Variants in ANKS3 observed in about 807,000 individuals in gnomAD.
The protein encoded by ANKS3 is ankyrin repeat and sterile alpha motif domain containing 3.
A neutral mutation model predicts 80.7 loss-of-function variants in ANKS3; 62 were observed. That is an observed-to-expected ratio of 0.77 (90% CI 0.63 to 0.95). The LOEUF is 0.95. Among genes scored for constraint, ANKS3 ranks in the 40% least tolerant of loss-of-function variants. The pLI is 0.00. For synonymous variants in ANKS3, 489 were observed against 355.3 expected, an observed-to-expected ratio of 1.38 and a Z score of -4.23; for missense variants, 1,150 against 883.6, an observed-to-expected ratio of 1.30 and a Z score of -3.82.
chr16:4,724,588 G>A (rs995935067), intron 6 of ANKS3, among the ~76,000 whole-genome samples, 162 bp downstream of exon 6: 1 of 152,138 alleles, frequency 6.6e-6, no homozygotes, highest in East Asian at 1.9e-4. Flanking sequence ...TAATGCCTAA[G>A]CACCACTCAA....
At chr16:4,725,534 C>T (rs528657006) in intron 5 of ANKS3, among the ~76,000 whole-genome samples, 1 of 152,268 alleles carries the variant, frequency 6.6e-6, no homozygotes, top group South Asian at 2.1e-4. Flanking sequence ...TATCAGGTGT[C>T]TTAGAATGAA....
In ANKS3 at chr16:4,698,624, G is replaced by C. The variant is rs752343763; in HGVS notation, c.1552-25C>G. 6.5e-6 allele frequency: 10 copies of C among 1,538,000 alleles called. No homozygotes were observed. In the Admixed American group the frequency reaches 7.6e-5, roughly 12 times the overall value. ...GCTGCAGGGGGGTGGGGGGCGCGGGGAGGCTGGGAGGTGGCCGGTCAAGCC... is the reference window on the plus strand; with the variant it reads ...GCTGCAGGGGGGTGGGGGGCGCGGGCAGGCTGGGAGGTGGCCGGTCAAGCC... On this transcript the variant is annotated intron_variant, in intron 13 of 17. Transcript: ENST00000304283.
intron 7 of ANKS3, among the ~76,000 whole-genome samples, chr16:4,710,804 A>G (rs2080445144): frequency 2.6e-5 from 4 of 152,116 alleles, no homozygotes; most frequent in African/African-American, 4.8e-5. Context: ...TATTTTATCT[A>G]TTTACTTTTC....
At chr16:4,717,227 C>T (rs934781186) in intron 6 of ANKS3, among the ~76,000 whole-genome samples, 3 of 150,988 alleles carry the variant, frequency 2.0e-5, no homozygotes, top group Admixed American at 2.0e-4. Flanking sequence ...GGGCAACAGA[C>T]GAAGCAAGAC....
chr16:4,728,323 C>A (rs563417503), intron 3 of ANKS3, among the ~76,000 whole-genome samples: 3 of 152,142 alleles, frequency 2.0e-5, no homozygotes, highest in Non-Finnish European at 4.4e-5. Flanking sequence ...GGATTACAGG[C>A]GTGAGCCACC....
chr16:4,697,395 G>A lies in ANKS3; in HGVS notation c.1832C>T (p.Ser611Phe), dbSNP rs2079622826. 1.9e-6 allele frequency: 3 copies of A among 1,608,890 alleles called. No homozygotes were observed. Among genetic ancestry groups the A allele is most frequent in the African/African-American group, 2.7e-5 (2 of 74,940 alleles). ...PPADSKGWQA[S>F]LQAMSLPELS... ...CTCGGGGAGGCTCATGGCCTGCAGGGACGCTTGCCAGCCCTTGGAGTCTGT... is the reference window on the plus strand; with the variant it reads ...CTCGGGGAGGCTCATGGCCTGCAGGAACGCTTGCCAGCCCTTGGAGTCTGT... The change falls in exon 16 of 18, where the codon TCC (serine) becomes TTC (phenylalanine). Residue 611 changes from serine (S) to phenylalanine (F), a missense_variant. By Grantham distance (155) the Ser-to-Phe change is radical. Coordinates refer to ENST00000304283, the MANE Select transcript of ANKS3 (RefSeq NM_133450.4).
intron 6 of ANKS3, among the ~76,000 whole-genome samples, chr16:4,724,166 G>A (rs2081242034): frequency 6.6e-6 from 1 of 152,186 alleles, no homozygotes; most frequent in African/African-American, 2.4e-5. Flanking sequence ...GTTTATAATT[G>A]CAAAATGTTA....
chr16:4,733,575 A>T (rs2081779510), intron 1 of ANKS3, among the ~76,000 whole-genome samples: 1 of 152,124 alleles, frequency 6.6e-6, no homozygotes, highest in African/African-American at 2.4e-5. Context: ...TACAGGCGTG[A>T]GTGAGCCACC....
intron 2 of ANKS3, among the ~76,000 whole-genome samples, chr16:4,731,109 G>C (rs529786160): frequency 6.6e-6 from 1 of 152,146 alleles, no homozygotes; most frequent in African/African-American, 2.4e-5. Context: ...CCTGCCTACA[G>C]TATAATTTCA....
At chr16:4,706,109 G>C (rs2080173951) in intron 7 of ANKS3, among the ~76,000 whole-genome samples, 1 of 152,022 alleles carries the variant, frequency 6.6e-6, no homozygotes, top group African/African-American at 2.4e-5. Flanking sequence ...TATTAGGCTG[G>C]TCTTGAACTC....
chr16:4,700,669 C>T, intron 11 of ANKS3: 2 of 488,128 alleles, frequency 4.1e-6, no homozygotes, highest in Non-Finnish European at 7.6e-6. Flanking sequence ...TTGTCAGACT[C>T]CTGCAGGCAG....
chr16:4,709,906 G>C (rs888823508), intron 7 of ANKS3, among the ~76,000 whole-genome samples: 1 of 152,176 alleles, frequency 6.6e-6, no homozygotes, highest in African/African-American at 2.4e-5. Context: ...AGCTACTCGG[G>C]AGGCTGAGAT....
At chr16:4,705,013 G>A in intron 8 of ANKS3, 82 bp downstream of exon 8, 1 of 1,544,604 alleles carries the variant, frequency 6.5e-7, no homozygotes, top group South Asian at 1.2e-5. Flanking sequence ...CATTTCAGGA[G>A]CCTAAGAGCT....
At position 4,726,776 on chromosome 16, in the gene ANKS3, C is replaced by T; in HGVS notation, c.374G>A (p.Gly125Asp). Residue 125 changes from glycine (G) to aspartate (D), a missense_variant, in exon 5 of 18, where the codon GGT (glycine) becomes GAT (aspartate). Gly to Asp is a moderately conservative substitution (Grantham distance 94). Coordinates refer to ENST00000304283, the MANE Select transcript of ANKS3 (RefSeq NM_133450.4). ...ESIAYFLLQQGAELEMKDIQG... is the reference protein window; with the variant it reads ...ESIAYFLLQQDAELEMKDIQG... ...GATGTCTTTCATTTCTAGCTCTGCACCTTGCTTCAAGAGAACACAGAACGT... is the reference window on the plus strand; with the variant it reads ...GATGTCTTTCATTTCTAGCTCTGCATCTTGCTTCAAGAGAACACAGAACGT... 3.1e-6 allele frequency: 5 copies of T among 1,612,992 alleles called. No individual in the cohort carries two copies. The highest frequency in any genetic ancestry group is 2.5e-6 in the Non-Finnish European group (3 of 1,179,038).
chr16:4,707,419 T>C (rs1044907595), intron 7 of ANKS3, among the ~76,000 whole-genome samples: 6 of 151,824 alleles, frequency 4.0e-5, no homozygotes, highest in Non-Finnish European at 7.4e-5. Context: ...GTAGCTGGGA[T>C]TGTAAGTATG....
At chr16:4,729,321 T>C (rs1315787945) in intron 3 of ANKS3, 1 of 152,276 alleles carries the variant, frequency 6.6e-6, no homozygotes, top group East Asian at 1.9e-4. Flanking sequence ...AGGGATCGAA[T>C]GAACCCTCCG....
Position 4,730,042 on chromosome 16 carries a change from G to T in ANKS3, c.108C>A (p.Pro36=). 2 of 1,587,950 alleles carry T rather than the reference G, an allele frequency of 1.3e-6. No homozygotes were observed. Among genetic ancestry groups the T allele is most frequent in the Admixed American group, 3.4e-5 (2 of 58,076 alleles). Residue 36 remains proline, a synonymous_variant, in exon 3 of 18, where the codon CCC becomes CCA. Coordinates refer to ENST00000304283, the MANE Select transcript of ANKS3 (RefSeq NM_133450.4). The stretch of plus-strand genomic sequence containing the variant: ...TGGAAGCAGCTGTGTGAAGATCCAG[G>T]GGGACATCCAGCTCCTCCCCGCTGA... ...TQVSGEELDV[P]LDLHTAASIG...
chr16:4,704,938 C>T lies in ANKS3; in HGVS notation c.868+157G>A, dbSNP rs142714547. Among the ~76,000 whole-genome samples the T allele has an allele frequency of 3.9e-3, 599 of 152,372 alleles. 3 individuals carry two copies. The highest frequency in any genetic ancestry group is 0.014 in the African/African-American group (566 of 41,586). ...TGCATTTCCATCACAGGACTCAATC[C>T]TGAGTCTCCCTGAGCATGAAAGCTG... On this transcript the variant is annotated intron_variant, in intron 8 of 17. Coordinates refer to ENST00000304283, the MANE Select transcript of ANKS3 (RefSeq NM_133450.4).
At chr16:4,725,352 A>C (rs2081297913) in intron 5 of ANKS3, among the ~76,000 whole-genome samples, 2 of 152,154 alleles carry the variant, frequency 1.3e-5, no homozygotes, top group African/African-American at 4.8e-5. Flanking sequence ...TCCTTGTCTC[A>C]TGCTGGTTTG....
Sources: gnomAD v4.1 joint callset for allele counts (sites outside exome capture counted in the v4.1 genomes callset) on GRCh38, gnomAD v4.1.1 for gene constraint, MANE v1.5 for transcripts, NCBI Gene and HGNC (gene_info 2026-07-23, HGNC 2026-07-21) for gene names.